Variants in RALGPS1 observed in about 807,000 individuals in gnomAD.
RALGPS1 encodes ras-specific guanine nucleotide-releasing factor RalGPS1.
Under a neutral mutation model 78.8 loss-of-function variants are expected in RALGPS1, and 19 were observed. That is an observed-to-expected ratio of 0.24 (90% CI 0.17 to 0.35). The LOEUF is 0.35. RALGPS1 is among the 10% of genes least tolerant of loss of function. The pLI is 1.00. For synonymous variants in RALGPS1, 228 were observed against 256.3 expected (o/e 0.89, Z 1.06); for missense variants, 454 against 688.3 (o/e 0.66, Z 3.81).
chr9:126,953,744 G>C (rs1398750863), intron 1 of RALGPS1, among the ~76,000 whole-genome samples: 1 of 152,186 alleles, frequency 6.6e-6, no homozygotes, highest in Non-Finnish European at 1.5e-5. Flanking sequence ...ACAGAGCAGG[G>C]CTTGGGAAAA....
intron 8 of RALGPS1, chr9:127,108,226 A>G (rs2054428851): frequency 1.2e-6 from 2 of 1,614,034 alleles, no homozygotes; most frequent in Non-Finnish European, 1.7e-6. Context: ...CAGCTGCAGC[A>G]TGTCGGCTGT....
At position 127,212,397 on chromosome 9, in the gene RALGPS1, G is replaced by T. The variant is rs565282545; in HGVS notation, c.1353+161G>T. On this transcript the variant is annotated intron_variant, in intron 15 of 18. Transcript: ENST00000259351. This position sits in a 1 kb window ranked among gnomAD's most constrained non-coding sequence, Gnocchi z 6.0. ...CTCAGGAATTATACCTGACACTGCCGTAAAATGAACAAAGGGAAGGCTCCT... is the reference window on the plus strand; with the variant it reads ...CTCAGGAATTATACCTGACACTGCCTTAAAATGAACAAAGGGAAGGCTCCT... Among the ~76,000 whole-genome samples the T allele has an allele frequency of 7.0e-4, 106 of 152,294 alleles. 1 individual carries two copies. Among genetic ancestry groups the T allele is most frequent in the South Asian group, 1.2e-3 (6 of 4,824 alleles).
At chr9:127,039,194 T>C (rs1314363724) in intron 5 of RALGPS1, among the ~76,000 whole-genome samples, 1 of 151,972 alleles carries the variant, frequency 6.6e-6, no homozygotes, top group Non-Finnish European at 1.5e-5. Context: ...TGCTGACATT[T>C]AAGGGATGGG....
intron 8 of RALGPS1, among the ~76,000 whole-genome samples, chr9:127,135,714 G>C (rs181998317): frequency 2.6e-5 from 4 of 152,264 alleles, no homozygotes; most frequent in South Asian, 2.1e-4. Flanking sequence ...GTCTGTGAAG[G>C]CGGTAGGGGA....
intron 4 of RALGPS1, among the ~76,000 whole-genome samples, chr9:126,978,622 A>AG (rs1318472762): frequency 6.6e-6 from 1 of 150,894 alleles, no homozygotes; most frequent in East Asian, 1.9e-4. Context: ...AAAAAAAAAA[A>AG]GTAGCTGAAT....
At chr9:127,112,471 G>A (rs2054931795) in intron 8 of RALGPS1, among the ~76,000 whole-genome samples, 1 of 152,262 alleles carries the variant, frequency 6.6e-6, no homozygotes, top group South Asian at 2.1e-4. Context: ...GAAACTGCCA[G>A]AGGCCCAGGA....
At chr9:127,095,368 A>G (rs1304087322) in intron 8 of RALGPS1, among the ~76,000 whole-genome samples, 2 of 152,266 alleles carry the variant, frequency 1.3e-5, no homozygotes, top group Non-Finnish European at 2.9e-5. Context: ...ACTGCACTCC[A>G]GCCTGAGTGG....
At chr9:126,994,382 T>TGCAGAAGCC (rs1259388240) in intron 4 of RALGPS1, among the ~76,000 whole-genome samples, 1 of 152,176 alleles carries the variant, frequency 6.6e-6, no homozygotes, top group African/African-American at 2.4e-5. Context: ...ACGTGATGAA[T>TGCAGAAGCC]GCAGAAGCCT....
chr9:127,006,426 T>C (rs1298024399), intron 4 of RALGPS1, among the ~76,000 whole-genome samples: 1 of 152,238 alleles, frequency 6.6e-6, no homozygotes, highest in East Asian at 1.9e-4. Context: ...TGATTTAGTA[T>C]ACCACTGCCT....
intron 5 of RALGPS1, among the ~76,000 whole-genome samples, chr9:127,035,846 TGC>T (rs1268911065): frequency 6.6e-6 from 1 of 152,240 alleles, no homozygotes; most frequent in African/African-American, 2.4e-5. Context: ...CAAAGTCTTT[TGC>T]TTCTTTTTTC....
intron 8 of RALGPS1, among the ~76,000 whole-genome samples, chr9:127,124,680 G>T (rs1454977609): frequency 6.6e-6 from 1 of 152,232 alleles, no homozygotes; most frequent in Admixed American, 6.5e-5. Flanking sequence ...GTACATTGTG[G>T]CTGAGGAGAG....
At chr9:127,064,438 T>C (rs1000124582) in intron 7 of RALGPS1, among the ~76,000 whole-genome samples, 3 of 152,202 alleles carry the variant, frequency 2.0e-5, no homozygotes, top group African/African-American at 7.2e-5. Context: ...AAAAAACTTA[T>C]TATCAGCATT....
At chr9:127,031,901 T>G (rs1435113987) in intron 4 of RALGPS1, among the ~76,000 whole-genome samples, 1 of 152,212 alleles carries the variant, frequency 6.6e-6, no homozygotes, top group East Asian at 1.9e-4. Context: ...AGGGAAGATG[T>G]ATTAAGTACC....
chr9:126,958,290 A>C (rs2038562936), intron 1 of RALGPS1, among the ~76,000 whole-genome samples: 1 of 151,810 alleles, frequency 6.6e-6, no homozygotes, highest in Non-Finnish European at 1.5e-5. Context: ...TTGCAGTATA[A>C]TTTATATTTC....
chr9:127,217,116 G>A, intron 18 of RALGPS1: 2 of 1,348,732 alleles, frequency 1.5e-6, no homozygotes, highest in Non-Finnish European at 1.9e-6. Flanking sequence ...GCAGGCAGCA[G>A]TGCCTGGGCA....
intron 4 of RALGPS1, among the ~76,000 whole-genome samples, chr9:127,025,986 G>C (rs1345604488): frequency 1.3e-5 from 2 of 152,014 alleles, no homozygotes; most frequent in Admixed American, 1.3e-4. Context: ...TTACAGATGT[G>C]GTTTACTTTT....
At position 127,211,262 on chromosome 9, in the gene RALGPS1, G is replaced by A. The variant is rs1333183293; in HGVS notation, c.1248-869G>A. ...CAGGAAGCCATGAAAGGGGCTTGCT[G>A]TGGGCAGGTGGAGGAGAGGAGAGGG... On this transcript the variant is annotated intron_variant, in intron 14 of 18. Coordinates refer to ENST00000259351, the MANE Select transcript of RALGPS1 (RefSeq NM_014636.3). This position sits in a 1 kb window ranked among gnomAD's most constrained non-coding sequence, Gnocchi z 5.0. 6.6e-6 allele frequency among the ~76,000 whole-genome samples: 1 copy of A among 152,216 alleles called. No individual in the cohort carries two copies. Among genetic ancestry groups the A allele is most frequent in the Admixed American group, 6.5e-5 (1 of 15,280 alleles).
intron 8 of RALGPS1, among the ~76,000 whole-genome samples, chr9:127,147,534 C>G (rs977497130): frequency 2.0e-5 from 3 of 152,162 alleles, no homozygotes; most frequent in Admixed American, 1.3e-4. Flanking sequence ...ATATTTGATA[C>G]ATTTTGAGCT....
At chr9:126,918,601 A>T (rs1167084581) in intron 1 of RALGPS1, among the ~76,000 whole-genome samples, 1 of 151,154 alleles carries the variant, frequency 6.6e-6, no homozygotes, top group Admixed American at 6.6e-5. Context: ...GATTACAGGC[A>T]TGAGCCACCA....
Sources: allele counts gnomAD v4.1 joint callset (sites outside exome capture counted in the v4.1 genomes callset), GRCh38; gene constraint gnomAD v4.1.1; non-coding constraint Gnocchi (gnomAD v3.1); transcripts MANE v1.5; gene names NCBI Gene and HGNC (gene_info 2026-07-23, HGNC 2026-07-21).